The following TSPAN33 variants were observed in gnomAD, a reference collection of about 807,000 sequenced individuals.
TSPAN33 encodes the protein tetraspanin-33.
A neutral mutation model predicts 34.8 loss-of-function variants in TSPAN33; 27 were observed. That is an observed-to-expected ratio of 0.78 (90% CI 0.57 to 1.07). TSPAN33 has a LOEUF of 1.07. Ranked by LOEUF, TSPAN33 falls within the 50% of genes least tolerant of loss-of-function variation. TSPAN33 has a pLI of 0.00. For missense variants in TSPAN33, 272 were observed against 324.9 expected (o/e 0.84, Z 1.25); for synonymous variants, 119 against 124.2 (o/e 0.96, Z 0.28).
intron 1 of TSPAN33, among the ~76,000 whole-genome samples, chr7:129,145,360 C>G (rs1413115441): frequency 6.6e-6 from 1 of 151,882 alleles, no homozygotes; most frequent in African/African-American, 2.4e-5. Context: ...TTTGAGGGAG[C>G]CTGTTGGCCC....
In TSPAN33 at chr7:129,167,367, A is replaced by C. The variant is rs368849286; in HGVS notation, c.589-32A>C. 5.0e-6 allele frequency: 8 copies of C among 1,591,798 alleles called. No homozygotes were observed. Among genetic ancestry groups the C allele is most frequent in the African/African-American group, 2.7e-5 (2 of 74,402 alleles). Reference sequence around the variant, plus strand: ...CCAAACAAAAAGTTATTGGAATTACAGTCCCAATTGGCTTTTCAACTCTTT... The same window carrying C: ...CCAAACAAAAAGTTATTGGAATTACCGTCCCAATTGGCTTTTCAACTCTTT... On this transcript the variant is annotated intron_variant, in intron 6 of 7. Coordinates refer to ENST00000486685, the MANE Select transcript of TSPAN33 (RefSeq NM_178562.5). The surrounding 1 kb of genome is among the most constrained non-coding windows in gnomAD (Gnocchi z 4.6).
At chr7:129,158,440 G>T (rs1269928533) in intron 1 of TSPAN33, among the ~76,000 whole-genome samples, 1 of 152,154 alleles carries the variant, frequency 6.6e-6, no homozygotes, top group African/African-American at 2.4e-5. Flanking sequence ...TAGGTTCAGA[G>T]GTACATGTGC....
At position 129,165,588 on chromosome 7, in the gene TSPAN33, A is replaced by G. The variant is rs1316684299; in HGVS notation, c.459+1019A>G. On this transcript the variant is annotated intron_variant, in intron 5 of 7. Coordinates refer to ENST00000486685, the MANE Select transcript of TSPAN33 (RefSeq NM_178562.5). This position sits in a 1 kb window ranked among gnomAD's most constrained non-coding sequence, Gnocchi z 4.5. The stretch of plus-strand genomic sequence containing the variant: ...AAAGGGTTGCTTCCACCGTTCGGCT[A>G]CTGTGAACAAGGCTGCTATGAATCA... 6.6e-6 allele frequency among the ~76,000 whole-genome samples: 1 copy of G among 152,222 alleles called. No homozygotes were observed. The highest frequency in any genetic ancestry group is 1.9e-4 in the East Asian group (1 of 5,196).
intron 1 of TSPAN33, among the ~76,000 whole-genome samples, chr7:129,149,034 G>A (rs1584633863): frequency 6.6e-6 from 1 of 152,128 alleles, no homozygotes; most frequent in Admixed American, 6.6e-5. Context: ...AGGAGGCAGA[G>A]CCCACCACCT....
In TSPAN33 at chr7:129,159,513, AT is replaced by A. The variant is rs1051342733; in HGVS notation, c.103-2163del. Among the ~76,000 whole-genome samples, 31 of 152,210 alleles carry A rather than the reference AT, an allele frequency of 2.0e-4. 1 individual carries two copies. Among genetic ancestry groups the A allele is most frequent in the Non-Finnish European group, 5.9e-5 (4 of 68,036 alleles). On this transcript the variant is annotated intron_variant, in intron 1 of 7. Coordinates refer to ENST00000486685, the MANE Select transcript of TSPAN33 (RefSeq NM_178562.5). ...TGGAAAATTATACACCCTGGTGAAA[AT>A]TTGACATGAAAAACAATGAGAGCCT...
At chr7:129,159,015 C>T (rs1793005800) in intron 1 of TSPAN33, among the ~76,000 whole-genome samples, 1 of 151,272 alleles carries the variant, frequency 6.6e-6, no homozygotes, top group Admixed American at 6.6e-5. Flanking sequence ...TCCCAAAGTG[C>T]TGGGATTACA....
intron 1 of TSPAN33, among the ~76,000 whole-genome samples, chr7:129,161,458 C>G (rs531708408): frequency 2.6e-5 from 4 of 152,184 alleles, no homozygotes; most frequent in South Asian, 4.1e-4. Flanking sequence ...AATTGTGTTA[C>G]GAGCACTGAA....
Position 129,168,570 on chromosome 7 carries a change from G to A in TSPAN33, c.*696G>A, listed in dbSNP as rs1793179538. On this transcript the variant is annotated 3_prime_UTR_variant, in exon 8 of 8. Transcript: ENST00000486685. The stretch of plus-strand genomic sequence containing the variant: ...AATTCTTCCCCACCTCCCTTACTTC[G>A]AAAAAAAGTTTGGAACCCTGGTCCC... The A allele has an allele frequency of 6.5e-6, 1 of 152,764 alleles. No individual in the cohort carries two copies. Among genetic ancestry groups the A allele is most frequent in the Non-Finnish European group, 1.5e-5 (1 of 68,260 alleles). The allele number at this position is 152,764 out of a possible 1,614,324, so 9.5% of individuals were successfully genotyped here. A position where few individuals can be genotyped will look rare whatever the true frequency, so the allele number is the denominator to read the frequency against.
At chr7:129,153,503 G>A (rs954630485) in intron 1 of TSPAN33, among the ~76,000 whole-genome samples, 1 of 152,154 alleles carries the variant, frequency 6.6e-6, no homozygotes, top group African/African-American at 2.4e-5. Flanking sequence ...ACTGTTCCAG[G>A]CTGAAGGAGA....
rs1466320827 is a variant in TSPAN33 at position 129,165,979 on chromosome 7, C to T, written c.460-799C>T. ...TGAGACGGAGTCTTGCTCTGTTACC[C>T]AGGCTGGAGTACAATGGCGTGATCT... On this transcript the variant is annotated intron_variant, in intron 5 of 7. Transcript: ENST00000486685. This position sits in a 1 kb window ranked among gnomAD's most constrained non-coding sequence, Gnocchi z 4.5. 6.6e-6 allele frequency among the ~76,000 whole-genome samples: 1 copy of T among 151,638 alleles called. No individual in the cohort carries two copies. Among genetic ancestry groups the T allele is most frequent in the Non-Finnish European group, 1.5e-5 (1 of 67,910 alleles).
intron 1 of TSPAN33, among the ~76,000 whole-genome samples, chr7:129,150,274 C>G (rs1810575346): frequency 6.6e-6 from 1 of 152,196 alleles, no homozygotes; most frequent in African/African-American, 2.4e-5. Context: ...AACGCCATGC[C>G]TTCCCTTTTC....
At chr7:129,157,282 T>C (rs745622438) in intron 1 of TSPAN33, among the ~76,000 whole-genome samples, 10 of 152,086 alleles carry the variant, frequency 6.6e-5, no homozygotes, top group Non-Finnish European at 1.0e-4. Context: ...TTTCTAAGGT[T>C]CTGTTCACCT....
rs1793156702 is a variant in TSPAN33 at position 129,167,284 on chromosome 7, A to G, written c.589-115A>G. On this transcript the variant is annotated intron_variant, in intron 6 of 7. Transcript: ENST00000486685. The surrounding 1 kb of genome is among the most constrained non-coding windows in gnomAD (Gnocchi z 4.6). ...CAACTTCCAACCCAATATCCTCCAC[A>G]TATATTCTCTGACAATTTAGGAGTT... The G allele has an allele frequency of 4.6e-6, 6 of 1,290,850 alleles. No individual in the cohort carries two copies. 80.0% of individuals were successfully genotyped at this position (1,290,850 alleles called of 1,614,324 possible). A position where few individuals can be genotyped will look rare whatever the true frequency, so the allele number is the denominator to read the frequency against.
chr7:129,164,576 G>A lies in TSPAN33; in HGVS notation c.459+7G>A, dbSNP rs564302837. ...TGATTTTGGCCAGAAAAAGGTATGG[G>A]TCAGCCAGTGGTCTGGGGGACTGTG... On this transcript the variant is annotated splice_region_variant and intron_variant, in intron 5 of 7. Coordinates refer to ENST00000486685, the MANE Select transcript of TSPAN33 (RefSeq NM_178562.5). The A allele has an allele frequency of 8.1e-6, 13 of 1,612,608 alleles. No individual in the cohort carries two copies. The African/African-American group carries it at 1.5e-4, about 18-fold the overall frequency.
intron 1 of TSPAN33, among the ~76,000 whole-genome samples, chr7:129,149,624 C>T (rs1045797299): frequency 6.6e-6 from 1 of 152,220 alleles, no homozygotes; most frequent in African/African-American, 2.4e-5. Context: ...GGGCCAGTCC[C>T]TCCGGGGCTT....
chr7:129,169,053 C>G lies in TSPAN33; in HGVS notation c.*1179C>G, dbSNP rs1012973660. ...AGTCCCAGTTCCAATCTAGGAACAG[C>G]ATAATTTTGTTCCAAAACCTGATCT... is the stretch of plus-strand genomic sequence containing the variant. On this transcript the variant is annotated 3_prime_UTR_variant, in exon 8 of 8. Coordinates refer to ENST00000486685, the MANE Select transcript of TSPAN33 (RefSeq NM_178562.5). Among the ~76,000 whole-genome samples the G allele has an allele frequency of 3.3e-5, 5 of 152,182 alleles. No homozygotes were observed. The highest frequency in any genetic ancestry group is 5.9e-5 in the Non-Finnish European group (4 of 68,032).
At chr7:129,161,310 C>G (rs1419518106) in intron 1 of TSPAN33, among the ~76,000 whole-genome samples, 1 of 152,234 alleles carries the variant, frequency 6.6e-6, no homozygotes, top group Non-Finnish European at 1.5e-5. Flanking sequence ...AAACTCCTGA[C>G]CTCAAGTTGA....
At chr7:129,161,758 C>T (rs1474184974) in intron 2 of TSPAN33, 22 bp downstream of exon 2, 2 of 1,613,992 alleles carry the variant, frequency 1.2e-6, no homozygotes, top group Admixed American at 1.7e-5. Flanking sequence ...CTCTCCCTCC[C>T]TGCCCCCACC....
At chr7:129,152,390 A>G (rs1018522144) in intron 1 of TSPAN33, among the ~76,000 whole-genome samples, 1 of 152,214 alleles carries the variant, frequency 6.6e-6, no homozygotes, top group African/African-American at 2.4e-5. Flanking sequence ...AGTATTATTC[A>G]GCGATAAAAG....
Sources: allele counts gnomAD v4.1 joint callset (sites outside exome capture counted in the v4.1 genomes callset), GRCh38; gene constraint gnomAD v4.1.1; non-coding constraint Gnocchi (gnomAD v3.1); transcripts MANE v1.5; gene names NCBI Gene and HGNC (gene_info 2026-07-23, HGNC 2026-07-21).